COBLL1: variants seen among roughly 807,000 people sequenced by gnomAD.
The protein encoded by COBLL1 is cordon-bleu WH2 repeat protein like 1, also known as cordon-bleu protein-like 1.
In COBLL1, 50 loss-of-function variants were observed where a neutral mutation model predicts 94.8. The observed-to-expected ratio is 0.53, with a 90% CI of 0.42 to 0.67. The LOEUF (loss-of-function observed/expected upper bound fraction) is 0.67. Ranked by LOEUF, COBLL1 falls within the 30% of genes least tolerant of loss-of-function variation. The pLI is 0.00. For missense variants in COBLL1, 1,362 were observed against 1,348.7 expected (o/e 1.01, Z -0.15); for synonymous variants, 448 against 473.8 (o/e 0.95, Z 0.71).
At chr2:164,754,142 C>T (rs1223668638) in intron 2 of COBLL1, among the ~76,000 whole-genome samples, 1 of 152,088 alleles carries the variant, frequency 6.6e-6, no homozygotes, top group Non-Finnish European at 1.5e-5. Context: ...AAAATACACA[C>T]TATATTCCAT....
intron 2 of COBLL1, among the ~76,000 whole-genome samples, chr2:164,780,280 CAT>C (rs371204635): frequency 1.3e-4 from 20 of 152,220 alleles, no homozygotes; most frequent in African/African-American, 4.3e-4. Context: ...TTTTCTACAA[CAT>C]AGAAATGGCT....
chr2:164,808,021 T>C (rs977833566), intron 2 of COBLL1, among the ~76,000 whole-genome samples: 1 of 152,134 alleles, frequency 6.6e-6, no homozygotes, highest in African/African-American at 2.4e-5. Context: ...GGTTTCACCA[T>C]GTTCACCAGG....
downstream of COBLL1, among the ~76,000 whole-genome samples, chr2:164,675,580 G>T (rs1006503486): frequency 6.6e-6 from 1 of 152,106 alleles, no homozygotes; most frequent in Non-Finnish European, 1.5e-5. Flanking sequence ...AAAACAAAAT[G>T]ATTTTTTAGG....
intron 7 of COBLL1, among the ~76,000 whole-genome samples, chr2:164,714,180 C>T (rs971502014): frequency 8.3e-5 from 12 of 144,776 alleles, no homozygotes; most frequent in Non-Finnish European, 1.5e-4. Flanking sequence ...CACACACACA[C>T]ATTAAAAAAT....
intron 3 of COBLL1, among the ~76,000 whole-genome samples, chr2:164,739,333 C>T (rs1385840341): frequency 6.6e-6 from 1 of 152,178 alleles, no homozygotes; most frequent in African/African-American, 2.4e-5. Context: ...CAAGTGCGTT[C>T]TTCTGAAGAT....
In COBLL1 at chr2:164,695,263, T is replaced by C. The variant is rs376725963; in HGVS notation, c.2129A>G (p.Asp710Gly). ...YLKNYPLYRQ[D>G]YNPKPKPSNE... ...TGAAGGTTTTGGCTTGGGATTGTAG[T>C]CCTGTCTATAAAGTGGGTAATTCTT... Residue 710 changes from aspartate to glycine, a missense_variant, in exon 12 of 14, where the codon GAC (aspartate) becomes GGC (glycine). By Grantham distance (94) the Asp-to-Gly change is moderately conservative (BLOSUM62 -1). Transcript: ENST00000652658. The C allele has an allele frequency of 1.9e-6, 3 of 1,613,936 alleles. No homozygotes were observed. Among genetic ancestry groups the C allele is most frequent in the Non-Finnish European group, 1.7e-6 (2 of 1,179,924 alleles).
chr2:164,732,794 G>A (rs138059434), intron 3 of COBLL1, among the ~76,000 whole-genome samples: 28 of 152,276 alleles, frequency 1.8e-4, no homozygotes, highest in African/African-American at 5.1e-4. Context: ...GGTGGCTCAC[G>A]CCTGTAATCC....
chr2:164,785,374 G>A (rs1394974160), intron 2 of COBLL1, among the ~76,000 whole-genome samples: 1 of 152,178 alleles, frequency 6.6e-6, no homozygotes, highest in East Asian at 1.9e-4. Context: ...GAGCAACAGA[G>A]TGAGACTGGT....
intron 2 of COBLL1, among the ~76,000 whole-genome samples, chr2:164,785,897 A>T (rs569505652): frequency 9.4e-5 from 14 of 148,668 alleles, no homozygotes; most frequent in Admixed American, 8.8e-4. Context: ...AGCTAGAGGA[A>T]ATCCTCCTCC....
At chr2:164,841,997 C>G (rs767491793), upstream of COBLL1, 2 of 1,540,168 alleles carry the variant, frequency 1.3e-6, no homozygotes, top group South Asian at 2.4e-5. This position sits in a 1 kb window ranked among gnomAD's most constrained non-coding sequence, Gnocchi z 5.5. Flanking sequence ...AGCTCGCCGC[C>G]GCCTCTGCAG....
chr2:164,832,585 T>C (rs1386877318), intron 2 of COBLL1, among the ~76,000 whole-genome samples: 2 of 152,180 alleles, frequency 1.3e-5, no homozygotes, highest in African/African-American at 4.8e-5. Flanking sequence ...CTGAAACACT[T>C]TGGCTATTTT....
intron 7 of COBLL1, among the ~76,000 whole-genome samples, chr2:164,710,061 C>T (rs1684804640): frequency 6.6e-6 from 1 of 151,972 alleles, no homozygotes; most frequent in African/African-American, 2.4e-5. Context: ...TCATAAGACA[C>T]AGAGGCAAGA....
chr2:164,804,053 C>CT (rs560356786), intron 2 of COBLL1, among the ~76,000 whole-genome samples: 89 of 143,824 alleles, frequency 6.2e-4, no homozygotes, highest in African/African-American at 2.2e-3. Flanking sequence ...GGAGATAAGG[C>CT]TAGGGAGGAG....
At chr2:164,700,116 C>T (rs1014476187) in intron 10 of COBLL1, among the ~76,000 whole-genome samples, 11 of 152,006 alleles carry the variant, frequency 7.2e-5, no homozygotes, top group African/African-American at 2.4e-4. Flanking sequence ...AGATAATACT[C>T]GTGATTTAAC....
chr2:164,779,686 C>A (rs577682090), intron 2 of COBLL1: 5 of 470,906 alleles, frequency 1.1e-5, no homozygotes, highest in Non-Finnish European at 2.2e-5. Flanking sequence ...CTGAGTCTCT[C>A]GACCAAAAAG....
chr2:164,707,304 C>T (rs528200769), intron 7 of COBLL1, among the ~76,000 whole-genome samples: 1 of 152,220 alleles, frequency 6.6e-6, no homozygotes, highest in African/African-American at 2.4e-5. Context: ...TGACACCTGG[C>T]TAATTTTTGT....
chr2:164,701,246 T>G (rs755109229), intron 9 of COBLL1, among the ~76,000 whole-genome samples: 2 of 152,198 alleles, frequency 1.3e-5, no homozygotes, highest in Non-Finnish European at 2.9e-5. Flanking sequence ...TTAAAAATAT[T>G]GAGGCTCACA....
chr2:164,750,144 A>G (rs939870554), intron 2 of COBLL1, among the ~76,000 whole-genome samples: 1 of 152,172 alleles, frequency 6.6e-6, no homozygotes, highest in African/African-American at 2.4e-5. Context: ...TCAAATTTAC[A>G]TCTCCAACCT....
chr2:164,747,324 G>A (rs1414603577), intron 2 of COBLL1, among the ~76,000 whole-genome samples: 1 of 152,182 alleles, frequency 6.6e-6, no homozygotes, highest in Non-Finnish European at 1.5e-5. Context: ...GCACACTGCA[G>A]TGAACTCCTC....
Sources: allele counts gnomAD v4.1 joint callset (sites outside exome capture counted in the v4.1 genomes callset), GRCh38; gene constraint gnomAD v4.1.1; non-coding constraint Gnocchi (gnomAD v3.1); transcripts MANE v1.5; gene names NCBI Gene and HGNC (gene_info 2026-07-23, HGNC 2026-07-21).